The following ADAMTS3 variants were observed in gnomAD, a reference collection of about 807,000 sequenced individuals.
ADAMTS3 encodes the protein ADAM metallopeptidase with thrombospondin type 1 motif 3.
A neutral mutation model predicts 129.0 loss-of-function variants in ADAMTS3; 73 were observed. The ratio of observed to expected loss-of-function variants is 0.57; its 90% CI spans 0.47 to 0.69. The LOEUF (loss-of-function observed/expected upper bound fraction) is 0.69, where lower values mean the gene tolerates loss of function less well. ADAMTS3 is among the 30% of genes least tolerant of loss of function. The pLI, the probability that ADAMTS3 is intolerant of heterozygous loss-of-function variation, is 0.00. For missense variants in ADAMTS3, 1,457 were observed against 1,514.5 expected (o/e 0.96, Z 0.63); for synonymous variants, 477 against 510.8 (o/e 0.93, Z 0.89).
chr4:72,403,584 A>G (rs73824595), intron 4 of ADAMTS3, among the ~76,000 whole-genome samples: 2 of 151,470 alleles, frequency 1.3e-5, no homozygotes, highest in Admixed American at 6.6e-5. Context: ...TTGTGATGTT[A>G]TAAGTGAAAA....
At chr4:72,548,991 A>G (rs979883084) in intron 2 of ADAMTS3, 107 bp from the exon 3 acceptor site, 6 of 981,854 alleles carry the variant, frequency 6.1e-6, no homozygotes, top group Non-Finnish European at 8.8e-6. Flanking sequence ...TTCAATGTGC[A>G]TAATATAGAC....
chr4:72,425,040 G>T (rs907704413), intron 3 of ADAMTS3, among the ~76,000 whole-genome samples: 2 of 152,072 alleles, frequency 1.3e-5, no homozygotes, highest in African/African-American at 4.8e-5. Flanking sequence ...TCAAGCTAAA[G>T]CTACAACAGC....
intron 3 of ADAMTS3, among the ~76,000 whole-genome samples, chr4:72,460,535 T>A (rs577234046): frequency 3.9e-4 from 59 of 151,216 alleles, no homozygotes; most frequent in African/African-American, 1.4e-3. Context: ...CTTGAAAAAA[T>A]TAATAAAATG....
chr4:72,477,568 A>G (rs966048115), intron 3 of ADAMTS3, among the ~76,000 whole-genome samples: 1 of 152,118 alleles, frequency 6.6e-6, no homozygotes, highest in African/African-American at 2.4e-5. Flanking sequence ...TTATAGCACT[A>G]AATGCCCACA....
At position 72,333,024 on chromosome 4, in the gene ADAMTS3, TACTA is replaced by T. The variant is rs1171297758; in HGVS notation, c.861+6466_861+6469del. 9.2e-5 allele frequency among the ~76,000 whole-genome samples: 14 copies of T among 152,290 alleles called. No homozygotes were observed. The East Asian group carries it at 2.7e-3, about 29-fold the overall frequency. ...CTGGGCTCAGGTCCTGACTCTGCCA[TACTA>T]ACTGTCTGACCCTGGGAACATCACC... is the stretch of plus-strand genomic sequence containing the variant. On this transcript the variant is annotated intron_variant, in intron 5 of 21. Coordinates refer to ENST00000286657, the MANE Select transcript of ADAMTS3 (RefSeq NM_014243.3).
chr4:72,568,938 T>G lies in ADAMTS3; in HGVS notation c.-176A>C, dbSNP rs1028386549. On this transcript the variant is annotated 5_prime_UTR_variant, in exon 1 of 22. Coordinates refer to ENST00000286657, the MANE Select transcript of ADAMTS3 (RefSeq NM_014243.3). ...GAAAATGAAATTTGAGCTCTGAGAC[T>G]GGCCCCCTCTGCTCTGCAGTTTTTT... is the stretch of plus-strand genomic sequence containing the variant. 1 of 621,728 alleles carries G rather than the reference T, an allele frequency of 1.6e-6. No homozygotes were observed. Among genetic ancestry groups the G allele is most frequent in the African/African-American group, 1.9e-5 (1 of 53,938 alleles). The allele number at this position is 621,728 out of a possible 1,614,324, so 38.5% of individuals were successfully genotyped here.
intron 2 of ADAMTS3, among the ~76,000 whole-genome samples, chr4:72,564,991 G>A (rs73825794): frequency 0.022 from 3,303 of 152,240 alleles, 121 homozygotes; most frequent in African/African-American, 0.076. Context: ...CATGAGGGAC[G>A]TACAGGGATT....
At chr4:72,405,305 A>G (rs909310158) in intron 4 of ADAMTS3, among the ~76,000 whole-genome samples, 1 of 152,178 alleles carries the variant, frequency 6.6e-6, no homozygotes, top group African/African-American at 2.4e-5. Context: ...GTTCACTGAT[A>G]GATGAATAGA....
chr4:72,304,463 G>A (rs1719033331), intron 16 of ADAMTS3, among the ~76,000 whole-genome samples: 1 of 152,046 alleles, frequency 6.6e-6, no homozygotes, highest in South Asian at 2.1e-4. Flanking sequence ...AACAATTTAT[G>A]CTAGGATAGC....
intron 4 of ADAMTS3, among the ~76,000 whole-genome samples, chr4:72,383,728 T>C (rs1230694843): frequency 6.6e-6 from 1 of 152,154 alleles, no homozygotes; most frequent in East Asian, 1.9e-4. Flanking sequence ...TCTAGAGGAC[T>C]ACCACATAAT....
At chr4:72,454,692 G>A (rs970665506) in intron 3 of ADAMTS3, among the ~76,000 whole-genome samples, 6 of 151,610 alleles carry the variant, frequency 4.0e-5, no homozygotes, top group African/African-American at 1.5e-4. Context: ...AGAAGACCAG[G>A]AGAAGGATAT....
chr4:72,411,290 T>C (rs913979530), intron 4 of ADAMTS3, among the ~76,000 whole-genome samples: 2 of 152,056 alleles, frequency 1.3e-5, no homozygotes, highest in African/African-American at 2.4e-5. Context: ...TGAATATTCT[T>C]AGGTGACAGG....
intron 3 of ADAMTS3, among the ~76,000 whole-genome samples, chr4:72,484,852 A>C (rs1719537572): frequency 6.6e-6 from 1 of 152,140 alleles, no homozygotes; most frequent in African/African-American, 2.4e-5. Context: ...GATTTTTTAA[A>C]GTATAAGACC....
intron 3 of ADAMTS3, among the ~76,000 whole-genome samples, chr4:72,454,153 G>A (rs911413325): frequency 2.0e-5 from 3 of 151,292 alleles, no homozygotes; most frequent in East Asian, 3.9e-4. Flanking sequence ...AACTCAAAAG[G>A]ACTGTTCATT....
rs778969017 is a variant in ADAMTS3, at chr4:72,548,772, C to T, written c.210G>A (p.Ala70=). ...TLSASHKKRS[A]RDVSSNPEQL... is the part of the protein sequence containing the mutation. ...GCTCAGGGTTGGAAGACACGTCCCTCGCTGACCTCTTTTTGTGACTCGCAG... is the reference window on the plus strand; with the variant it reads ...GCTCAGGGTTGGAAGACACGTCCCTTGCTGACCTCTTTTTGTGACTCGCAG... Residue 70 remains alanine (A), a synonymous_variant, in exon 3 of 22, where the codon GCG becomes GCA. Transcript: ENST00000286657. The T allele has an allele frequency of 7.0e-5, 113 of 1,613,800 alleles. 1 individual carries two copies. In the East Asian group the frequency reaches 2.1e-3, roughly 31 times the overall value.
chr4:72,364,214 G>A (rs997741603), intron 4 of ADAMTS3, among the ~76,000 whole-genome samples: 1 of 149,978 alleles, frequency 6.7e-6, no homozygotes, highest in African/African-American at 2.4e-5. Context: ...GTACACACAC[G>A]CACAAACACA....
At chr4:72,566,426 T>C (rs1722022048) in intron 2 of ADAMTS3, among the ~76,000 whole-genome samples, 1 of 152,128 alleles carries the variant, frequency 6.6e-6, no homozygotes. Context: ...TCAGTTGACA[T>C]AACACATGAA....
In ADAMTS3 at chr4:72,401,007, T is replaced by C. The variant is rs115429549; in HGVS notation, c.661+13808A>G. 2.8e-3 allele frequency among the ~76,000 whole-genome samples: 427 copies of C among 150,536 alleles called. 3 individuals are homozygous for C. Among genetic ancestry groups the C allele is most frequent in the Middle Eastern group, 6.8e-3 (2 of 292 alleles). On this transcript the variant is annotated intron_variant, in intron 4 of 21. Transcript: ENST00000286657. ...CAAATCCTAGACCCACACTGTCCAA[T>C]ACAGGGGCCATTAGTCGTATGCAAC...
At chr4:72,424,933 T>G (rs906260859) in intron 3 of ADAMTS3, among the ~76,000 whole-genome samples, 1 of 152,140 alleles carries the variant, frequency 6.6e-6, no homozygotes. Flanking sequence ...CTTATTATAT[T>G]GTCAATATTT....
Sources: gnomAD v4.1 joint callset for allele counts (sites outside exome capture counted in the v4.1 genomes callset) on GRCh38, gnomAD v4.1.1 for gene constraint, MANE v1.5 for transcripts, NCBI Gene and HGNC (gene_info 2026-07-23, HGNC 2026-07-21) for gene names.